Variants in SLC30A6 observed in about 807,000 individuals in gnomAD.
The protein encoded by SLC30A6 is zinc transporter 6.
A neutral mutation model predicts 63.0 loss-of-function variants in SLC30A6; 55 were observed. That is an observed-to-expected ratio of 0.87 (90% confidence interval 0.70 to 1.09). SLC30A6 has a LOEUF of 1.09. Among genes scored for constraint, SLC30A6 ranks in the 50% least tolerant of loss-of-function variants. SLC30A6 has a pLI of 0.00. For missense variants in SLC30A6, 587 were observed against 549.2 expected (o/e 1.07, Z -0.69); for synonymous variants, 224 against 186.1 (o/e 1.20, Z -1.66).
intron 13 of SLC30A6, among the ~76,000 whole-genome samples, chr2:32,218,817 A>G (rs954948519): frequency 3.9e-5 from 6 of 152,086 alleles, no homozygotes; most frequent in Non-Finnish European, 8.8e-5. Context: ...TTGGCCTCCC[A>G]AAGTGCTGGG....
chr2:32,197,439 A>C, intron 9 of SLC30A6, 47 bp downstream of exon 9: 1 of 1,527,668 alleles, frequency 6.5e-7, no homozygotes, highest in Non-Finnish European at 9.1e-7. Flanking sequence ...AAAGGAATAC[A>C]CAAGAAATGC....
chr2:32,190,325 G>C (rs549020186), intron 5 of SLC30A6, among the ~76,000 whole-genome samples: 22 of 152,114 alleles, frequency 1.4e-4, no homozygotes, highest in African/African-American at 4.6e-4. Context: ...CACACATGGT[G>C]GTGGGTGCCT....
At position 32,200,431 on chromosome 2, in the gene SLC30A6, A is replaced by T. The variant is rs1403974392; in HGVS notation, c.665+2605A>T. On this transcript the variant is annotated intron_variant, in intron 10 of 13. Coordinates refer to ENST00000282587, the MANE Select transcript of SLC30A6 (RefSeq NM_017964.5). ...TAGAAAAGGGGGAAAGGTGGGGAAA[A>T]GATTGAGAAATCGGATGGTTGCTGT... 2.0e-5 allele frequency among the ~76,000 whole-genome samples: 3 copies of T among 151,808 alleles called. No individual in the cohort carries two copies. The East Asian group carries it at 5.8e-4, about 29-fold the overall frequency.
chr2:32,177,712 A>G lies in SLC30A6; in HGVS notation c.218+2351A>G, dbSNP rs911145424. On this transcript the variant is annotated intron_variant, in intron 4 of 13. Coordinates refer to ENST00000282587, the MANE Select transcript of SLC30A6 (RefSeq NM_017964.5). Reference sequence around the variant, plus strand: ...GTCTCACTCTGTCACCCCGGGTGGAATGCATTGGCATGATCTTGGCTCACT... The same window carrying G: ...GTCTCACTCTGTCACCCCGGGTGGAGTGCATTGGCATGATCTTGGCTCACT... The G allele has an allele frequency of 2.4e-4, 37 of 156,158 alleles. 1 individual carries two copies. The South Asian group carries it at 5.6e-3, about 24-fold the overall frequency. The allele number at this position is 156,158 out of a possible 1,614,324, so 9.7% of individuals were successfully genotyped here. A position where few individuals can be genotyped will look rare whatever the true frequency, so the allele number is the denominator to read the frequency against.
Position 32,206,913 on chromosome 2 carries a change from T to C in SLC30A6, c.796T>C (p.Leu266=), listed in dbSNP as rs754478167. 54 of 1,610,636 alleles carry C rather than the reference T, an allele frequency of 3.4e-5. No homozygotes were observed. The East Asian group carries it at 6.0e-4, about 18-fold the overall frequency. ...AACACCACCCCATGTTATTGGTCAGTTGGACAAACTCATCAGAGAGGTAAG... is the reference window on the plus strand; with the variant it reads ...AACACCACCCCATGTTATTGGTCAGCTGGACAAACTCATCAGAGAGGTAAG... The part of the protein sequence containing the change: ...QTTPPHVIGQ[L]DKLIREVSTL... Residue 266 remains leucine, a synonymous_variant, in exon 12 of 14, where the codon TTG becomes CTG. Transcript: ENST00000282587.
chr2:32,191,829 G>A (rs946670248), intron 5 of SLC30A6, among the ~76,000 whole-genome samples: 5 of 151,912 alleles, frequency 3.3e-5, no homozygotes, highest in Non-Finnish European at 4.4e-5. Flanking sequence ...GGAGTTCAGG[G>A]TCCAGCCTGG....
At chr2:32,206,390 G>A (rs1227785849) in intron 11 of SLC30A6, among the ~76,000 whole-genome samples, 2 of 151,376 alleles carry the variant, frequency 1.3e-5, no homozygotes, top group Non-Finnish European at 2.9e-5. Flanking sequence ...AGCTTGCAGT[G>A]AGCCAAGATT....
chr2:32,213,354 A>G (rs972091767), intron 13 of SLC30A6, among the ~76,000 whole-genome samples: 1 of 140,750 alleles, frequency 7.1e-6, no homozygotes, highest in Non-Finnish European at 1.5e-5. Context: ...TTCGAGACTC[A>G]TAGGGCTCAG....
rs759468094 is a variant in SLC30A6 at position 32,222,883 on chromosome 2, T to C, written c.*2170T>C. On this transcript the variant is annotated 3_prime_UTR_variant, in exon 14 of 14. Coordinates refer to ENST00000282587, the MANE Select transcript of SLC30A6 (RefSeq NM_017964.5). ...ATGTGCTGCCACCCCATGCATGTCTTCCCCATCCCCATAGGATTTTAAAGT... is the reference window on the plus strand; with the variant it reads ...ATGTGCTGCCACCCCATGCATGTCTCCCCCATCCCCATAGGATTTTAAAGT... 2 of 152,364 alleles carry C rather than the reference T, an allele frequency of 1.3e-5. No homozygotes were observed. The highest frequency in any genetic ancestry group is 2.9e-5 in the Non-Finnish European group (2 of 68,184). The allele number at this position is 152,364 out of a possible 1,614,324, so 9.4% of individuals were successfully genotyped here.
At chr2:32,210,515 CAAAAAAAAAAA>C (rs3040860) in intron 13 of SLC30A6, among the ~76,000 whole-genome samples, 2 of 89,206 alleles carry the variant, frequency 2.2e-5, no homozygotes, top group South Asian at 4.5e-4. Context: ...ACTCTGTCTC[CAAAAAAAAAAA>C]AAAAAAAAAA....
intron 8 of SLC30A6, among the ~76,000 whole-genome samples, chr2:32,196,342 TGTGAAATTAC>T (rs1683788720): frequency 6.6e-6 from 1 of 151,998 alleles, no homozygotes; most frequent in Non-Finnish European, 1.5e-5. Context: ...AAAAAAGATT[TGTGAAATTAC>T]TTGAAATTTG....
chr2:32,187,175 G>A, intron 5 of SLC30A6: 1 of 470,888 alleles, frequency 2.1e-6, no homozygotes, highest in Non-Finnish European at 4.4e-6. Flanking sequence ...TGCATGTCCT[G>A]TTCAGTCTCT....
In SLC30A6 at chr2:32,220,264, C is replaced by G. The variant is rs757482477; in HGVS notation, c.937C>G (p.Leu313Val). The change falls in exon 14 of 14, where the codon CTT becomes GTT. Residue 313 changes from leucine to valine, a missense_variant. Physicochemically the swap from Leu to Val is conservative, Grantham distance 32. Transcript: ENST00000282587. ...IRRDANEQMV[L>V]AHVTNRLYTL... ...ACGAGATGCCAATGAACAAATGGTT[C>G]TTGCTCATGTGACCAACAGGCTGTA... The G allele has an allele frequency of 3.2e-5, 51 of 1,614,032 alleles. 2 individuals carry two copies. The South Asian group carries it at 5.4e-4, about 17-fold the overall frequency.
At chr2:32,218,219 G>A (rs904277802) in intron 13 of SLC30A6, among the ~76,000 whole-genome samples, 11 of 152,106 alleles carry the variant, frequency 7.2e-5, no homozygotes, top group East Asian at 1.9e-4. Flanking sequence ...CTAGGAGTTC[G>A]AGACCAGCTT....
Position 32,169,809 on chromosome 2 carries a change from A to G in SLC30A6, c.4-1478A>G, listed in dbSNP as rs149887101. On this transcript the variant is annotated intron_variant, in intron 1 of 13. Transcript: ENST00000282587. ...GATGTGACTGTGTATAGGGAGAGGCATACCATTTTTATTTTTAAAGTATCA... is the reference window on the plus strand; with the variant it reads ...GATGTGACTGTGTATAGGGAGAGGCGTACCATTTTTATTTTTAAAGTATCA... 6.7e-3 allele frequency among the ~76,000 whole-genome samples: 1,022 copies of G among 152,348 alleles called. 14 individuals are homozygous for G. The highest frequency in any genetic ancestry group is 0.024 in the African/African-American group (988 of 41,584).
chr2:32,166,095 C>A (rs1406998340), intron 1 of SLC30A6, among the ~76,000 whole-genome samples, 192 bp downstream of exon 1: 1 of 152,240 alleles, frequency 6.6e-6, no homozygotes, highest in East Asian at 1.9e-4. Flanking sequence ...GGTCCCTCAC[C>A]TGTTCCGCAG....
intron 5 of SLC30A6, among the ~76,000 whole-genome samples, chr2:32,187,685 A>T (rs1214841913): frequency 6.6e-6 from 1 of 152,206 alleles, no homozygotes; most frequent in East Asian, 1.9e-4. Context: ...TCTTAAACTT[A>T]GGAAAAAATT....
chr2:32,218,358 TTC>T (rs1051987032), intron 13 of SLC30A6, among the ~76,000 whole-genome samples: 1 of 152,186 alleles, frequency 6.6e-6, no homozygotes, highest in Non-Finnish European at 1.5e-5. Flanking sequence ...ATGCCTGGTG[TTC>T]TCTATCCCTT....
intron 4 of SLC30A6, among the ~76,000 whole-genome samples, chr2:32,176,324 C>CT (rs1226924141): frequency 6.6e-6 from 1 of 152,044 alleles, no homozygotes; most frequent in African/African-American, 2.4e-5. Flanking sequence ...ACCTGTGTCG[C>CT]TGAGTGTATT....
Sources: allele counts gnomAD v4.1 joint callset (sites outside exome capture counted in the v4.1 genomes callset), GRCh38; gene constraint gnomAD v4.1.1; transcripts MANE v1.5; gene names NCBI Gene and HGNC (gene_info 2026-07-23, HGNC 2026-07-21).